Variants in INTS6 observed in about 807,000 individuals in gnomAD.
INTS6 encodes the protein integrator complex subunit 6, also known as DEAD box protein.
A neutral mutation model predicts 104.9 loss-of-function variants in INTS6; 16 were observed. The ratio of observed to expected loss-of-function variants is 0.15; its 90% CI spans 0.10 to 0.23. The LOEUF (loss-of-function observed/expected upper bound fraction) is 0.23. Ranked by LOEUF, INTS6 falls within the 10% of genes least tolerant of loss-of-function variation. The probability of loss-of-function intolerance (pLI) is 1.00; values close to 1 mark genes in which losing one functional copy is unlikely to be tolerated. For missense variants in INTS6, 584 were observed against 1,062.8 expected, an observed-to-expected ratio of 0.55 and a Z score of 6.26; for synonymous variants, 324 against 358.7, an observed-to-expected ratio of 0.90 and a Z score of 1.09.
Position 51,368,008 on chromosome 13 carries a change from T to G in INTS6, c.2477-110A>C, listed in dbSNP as rs955634787. Reference sequence around the variant, plus strand: ...TTAAGATATACTGAGATAAAAACATTCTACATAAAAATTTCACCACTCATT... The same window carrying G: ...TTAAGATATACTGAGATAAAAACATGCTACATAAAAATTTCACCACTCATT... On this transcript the variant is annotated intron_variant, in intron 16 of 17. Coordinates refer to ENST00000311234, the MANE Select transcript of INTS6 (RefSeq NM_012141.3). The G allele has an allele frequency of 9.1e-6, 5 of 548,634 alleles. No homozygotes were observed. In the Middle Eastern group the frequency reaches 9.0e-4, roughly 99 times the overall value. The allele number at this position is 548,634 out of a possible 1,614,324, so 34.0% of individuals were successfully genotyped here. A position where few individuals can be genotyped will look rare whatever the true frequency, so the allele number is the denominator to read the frequency against.
intron 5 of INTS6, among the ~76,000 whole-genome samples, chr13:51,393,781 C>A (rs1956286567): frequency 1.3e-5 from 2 of 152,222 alleles, no homozygotes; most frequent in Non-Finnish European, 2.9e-5. Context: ...TAATACATTA[C>A]TGCCTAAAGG....
At position 51,404,103 on chromosome 13, in the gene INTS6, C is replaced by CAGAG. The variant is rs376831870; in HGVS notation, c.430-8624_430-8621dup. 4.2e-3 allele frequency among the ~76,000 whole-genome samples: 441 copies of CAGAG among 103,930 alleles called. 8 individuals carry two copies. Among genetic ancestry groups the CAGAG allele is most frequent in the African/African-American group, 0.014 (351 of 25,392 alleles). 68.2% of individuals were successfully genotyped at this position (103,930 alleles called of 152,430 possible). On this transcript the variant is annotated intron_variant, in intron 4 of 17. Coordinates refer to ENST00000311234, the MANE Select transcript of INTS6 (RefSeq NM_012141.3). ...ACACACACACACACACACACACACA[C>CAGAG]AGAGAGAGAGAGAGAGAGAGACAAC...
chr13:51,389,056 G>A (rs759516869), intron 6 of INTS6, among the ~76,000 whole-genome samples: 1 of 152,176 alleles, frequency 6.6e-6, no homozygotes, highest in African/African-American at 2.4e-5. Context: ...TTATAAAGTT[G>A]CTTATCGATA....
At chr13:51,381,155 G>A (rs544876670) in intron 10 of INTS6, among the ~76,000 whole-genome samples, 5 of 152,266 alleles carry the variant, frequency 3.3e-5, no homozygotes, top group African/African-American at 1.2e-4. Context: ...ATGTGTGTAG[G>A]TTATATGCAA....
chr13:51,382,865 T>C (rs893321042), intron 9 of INTS6, among the ~76,000 whole-genome samples: 4 of 152,190 alleles, frequency 2.6e-5, no homozygotes, highest in African/African-American at 9.7e-5. Flanking sequence ...TCACCTGAGA[T>C]CAGGAGTTCA....
At chr13:51,356,781 CCTTT>C (rs1183311243), downstream of INTS6, among the ~76,000 whole-genome samples, 1 of 114,626 alleles carries the variant, frequency 8.7e-6, no homozygotes, top group African/African-American at 4.1e-5. Flanking sequence ...TGATACGAAA[CCTTT>C]TTTTTTTTTT....
chr13:51,429,785 A>AAAAT lies in INTS6; in HGVS notation c.429+508_429+509insATTT, dbSNP rs1156333077. Among the ~76,000 whole-genome samples the AAAAT allele has an allele frequency of 1.7e-3, 154 of 92,316 alleles. 2 individuals are homozygous for AAAAT. The highest frequency in any genetic ancestry group is 7.5e-3 in the Middle Eastern group (1 of 134). The allele number at this position is 92,316 out of a possible 152,430, so 60.6% of individuals were successfully genotyped here. A position where few individuals can be genotyped will look rare whatever the true frequency, so the allele number is the denominator to read the frequency against. The stretch of plus-strand genomic sequence containing the variant: ...TCTCAAAAAAAAAAAAAAAAAAAAA[A>AAAAT]ATATATATATATATATATATATATG... On this transcript the variant is annotated intron_variant, in intron 4 of 17. Coordinates refer to ENST00000311234, the MANE Select transcript of INTS6 (RefSeq NM_012141.3).
At chr13:51,418,214 T>C (rs146953330) in intron 4 of INTS6, among the ~76,000 whole-genome samples, 204 of 152,348 alleles carry the variant, frequency 1.3e-3, no homozygotes, top group Admixed American at 4.4e-3. Flanking sequence ...CCTAGGCACA[T>C]GGTAAGCCCT....
At chr13:51,392,193 G>A (rs61956943) in intron 5 of INTS6, among the ~76,000 whole-genome samples, 3,612 of 152,270 alleles carry the variant, frequency 0.024, 58 homozygotes, top group South Asian at 0.059. Context: ...GAAATCAGAC[G>A]TCACCTCCCG....
At position 51,387,710 on chromosome 13, in the gene INTS6, A is replaced by C. The variant is rs1956165690; in HGVS notation, c.740-170T>G. Among the ~76,000 whole-genome samples the C allele has an allele frequency of 6.6e-5, 10 of 152,352 alleles. 1 individual carries two copies. In the South Asian group the frequency reaches 2.1e-3, roughly 32 times the overall value. Reference sequence around the variant, plus strand: ...AACACTATGTCTGCTGAATATTTAGACTAGATTGTAATTCATTAGACAATA... The same window carrying C: ...AACACTATGTCTGCTGAATATTTAGCCTAGATTGTAATTCATTAGACAATA... On this transcript the variant is annotated intron_variant, in intron 6 of 17. Coordinates refer to ENST00000311234, the MANE Select transcript of INTS6 (RefSeq NM_012141.3).
At chr13:51,351,720 G>T (rs1414657949), downstream of INTS6, among the ~76,000 whole-genome samples, 1 of 151,900 alleles carries the variant, frequency 6.6e-6, no homozygotes, top group African/African-American at 2.4e-5. Context: ...GTCTAGTTAG[G>T]GTCACAAAAA....
the INTS6 span, chr13:51,339,268 T>C: frequency 6.6e-6 from 1 of 152,234 alleles, no homozygotes; most frequent in Non-Finnish European, 1.5e-5. Flanking sequence ...TTGCTGAAAG[T>C]TTTAAGTCAT....
At chr13:51,450,434 G>C in intron 3 of INTS6, 2 of 985,332 alleles carry the variant, frequency 2.0e-6, no homozygotes, top group Non-Finnish European at 2.4e-6. Flanking sequence ...CCAAGGGTTT[G>C]GAGTTTAAAT....
rs1440317392 is a variant in INTS6, at chr13:51,374,295, C to A, written c.2017G>T (p.Val673Leu). 3 of 1,614,070 alleles carry A rather than the reference C, an allele frequency of 1.9e-6. No individual in the cohort carries two copies. The highest frequency in any genetic ancestry group is 2.5e-6 in the Non-Finnish European group (3 of 1,179,964). The change falls in exon 15 of 18, where the codon GTA becomes TTA. Residue 673 changes from valine (V) to leucine (L), a missense_variant. Physicochemically the swap from Val to Leu is conservative, Grantham distance 32. This residue lies in a region of INTS6 where 296 missense variants were observed against 437.0 expected (regional missense o/e 0.68). Coordinates refer to ENST00000311234, the MANE Select transcript of INTS6 (RefSeq NM_012141.3). ...LLRGRQQNPV[V>L]NNHIGGKGPP... is the part of the protein sequence containing the mutation. The stretch of plus-strand genomic sequence containing the variant: ...CCTTTTCCCCCAATATGATTGTTTA[C>A]AACAGGATTCTGCTGTCTGCCTCTT...
At chr13:51,359,820 A>C (rs1416524244), downstream of INTS6, among the ~76,000 whole-genome samples, 2 of 152,038 alleles carry the variant, frequency 1.3e-5, no homozygotes, top group African/African-American at 4.8e-5. Flanking sequence ...ACTGCATTTC[A>C]GTTTGCTTAA....
At chr13:51,394,008 T>C (rs2137962074) in intron 5 of INTS6, among the ~76,000 whole-genome samples, 1 of 151,582 alleles carries the variant, frequency 6.6e-6, no homozygotes, top group East Asian at 1.9e-4. Context: ...CAGAACCTGT[T>C]AAGTAAAATC....
chr13:51,417,318 C>G (rs186295466), intron 4 of INTS6, among the ~76,000 whole-genome samples: 1 of 152,122 alleles, frequency 6.6e-6, no homozygotes, highest in African/African-American at 2.4e-5. Flanking sequence ...ATGTTTTCTT[C>G]TAAGTTTTAG....
At position 51,374,253 on chromosome 13, in the gene INTS6, T is replaced by C; in HGVS notation, c.2059A>G (p.Thr687Ala). The C allele has an allele frequency of 1.2e-6, 2 of 1,613,964 alleles. No individual in the cohort carries two copies. Among genetic ancestry groups the C allele is most frequent in the East Asian group, 2.2e-5 (1 of 44,870 alleles). ...TTAATAAGATCTGGCTGTGCTTGAG[T>C]TGTAGGTGCAGGTGGTCCTTTTCCC... ...IGGKGPPAPTTQAQPDLIKPL... is the reference protein window; with the variant it reads ...IGGKGPPAPTAQAQPDLIKPL... Residue 687 changes from threonine (T) to alanine (A), a missense_variant, in exon 15 of 18, where the codon ACT becomes GCT. Physicochemically the swap from Thr to Ala is moderately conservative, Grantham distance 58. Coordinates refer to ENST00000311234, the MANE Select transcript of INTS6 (RefSeq NM_012141.3).
chr13:51,402,190 A>C (rs1170137217), intron 4 of INTS6, among the ~76,000 whole-genome samples: 1 of 152,184 alleles, frequency 6.6e-6, no homozygotes, highest in African/African-American at 2.4e-5. Context: ...CTGAACACTT[A>C]CTGTGTGCCA....
Sources: gnomAD v4.1 joint callset for allele counts (sites outside exome capture counted in the v4.1 genomes callset) on GRCh38, gnomAD v4.1.1 for gene constraint, gnomAD v4.1.1 regional missense constraint, MANE v1.5 for transcripts, NCBI Gene and HGNC (gene_info 2026-07-23, HGNC 2026-07-21) for gene names.